Variants in WDR33 observed in about 807,000 individuals in gnomAD.
The protein encoded by WDR33 is pre-mRNA 3' end processing protein WDR33.
In WDR33, 47 loss-of-function variants were observed where a neutral mutation model predicts 164.9. That is an observed-to-expected ratio of 0.29 (90% CI 0.23 to 0.36). The LOEUF (loss-of-function observed/expected upper bound fraction) is 0.36. WDR33 is among the 10% of genes least tolerant of loss of function. The pLI, the probability that WDR33 is intolerant of heterozygous loss-of-function variation, is 1.00. For missense variants in WDR33, 1,137 were observed against 1,754.1 expected (o/e 0.65, Z 6.28); for synonymous variants, 505 against 589.0 (o/e 0.86, Z 2.06).
intron 1 of WDR33, among the ~76,000 whole-genome samples, chr2:127,772,662 CTTA>C (rs1688047720): frequency 6.6e-6 from 1 of 151,986 alleles, no homozygotes; most frequent in East Asian, 1.9e-4. Context: ...ACCACAGAAA[CTTA>C]TTTCTCAGTA....
intron 1 of WDR33, among the ~76,000 whole-genome samples, chr2:127,802,076 G>T (rs1190546204): frequency 6.6e-6 from 1 of 151,750 alleles, no homozygotes; most frequent in Non-Finnish European, 1.5e-5. Context: ...AGCTACTCAG[G>T]AGGCTGAGGC....
chr2:127,732,994 A>G (rs1686748066), intron 7 of WDR33, among the ~76,000 whole-genome samples: 1 of 152,214 alleles, frequency 6.6e-6, no homozygotes, highest in African/African-American at 2.4e-5. Flanking sequence ...GAAAATTCCA[A>G]GAATGTAGTG....
intron 7 of WDR33, among the ~76,000 whole-genome samples, chr2:127,727,919 C>T (rs1686609722): frequency 6.6e-6 from 1 of 152,152 alleles, no homozygotes; most frequent in South Asian, 2.1e-4. Context: ...GGTAGAGGCA[C>T]CGACAGTGAT....
At chr2:127,796,353 C>A (rs1689041239) in intron 1 of WDR33, among the ~76,000 whole-genome samples, 1 of 151,984 alleles carries the variant, frequency 6.6e-6, no homozygotes, top group Admixed American at 6.6e-5. Context: ...GGATTACGGG[C>A]ATAAACCACC....
At chr2:127,807,670 A>C (rs1050722010) in intron 1 of WDR33, among the ~76,000 whole-genome samples, 1 of 152,264 alleles carries the variant, frequency 6.6e-6, no homozygotes, top group Admixed American at 6.5e-5. Flanking sequence ...CAATCTAGGC[A>C]AAGAGTTAAT....
chr2:127,729,578 C>T (rs1686653302), intron 7 of WDR33, among the ~76,000 whole-genome samples: 3 of 152,094 alleles, frequency 2.0e-5, no homozygotes, highest in African/African-American at 7.2e-5. Flanking sequence ...TGCAACCAAC[C>T]TCCGCCTCCC....
chr2:127,772,564 G>A (rs531150255), intron 1 of WDR33, among the ~76,000 whole-genome samples: 1 of 151,970 alleles, frequency 6.6e-6, no homozygotes, highest in South Asian at 2.1e-4. Flanking sequence ...AATTTCCCAG[G>A]ACTAGTGTAG....
At position 127,722,026 on chromosome 2, in the gene WDR33, A is replaced by G; in HGVS notation, c.1519-38T>C. The G allele has an allele frequency of 6.3e-7, 1 of 1,597,372 alleles. No individual in the cohort carries two copies. The highest frequency in any genetic ancestry group is 2.2e-5 in the East Asian group (1 of 44,742). ...GAGAATATTAAAATGTACGCTAAGT[A>G]TGAAAATTACAATGATAGAATGAGA... On this transcript the variant is annotated intron_variant, in intron 14 of 21. Coordinates refer to ENST00000322313, the MANE Select transcript of WDR33 (RefSeq NM_018383.5). This position sits in a 1 kb window ranked among gnomAD's most constrained non-coding sequence, Gnocchi z 5.1.
chr2:127,724,965 G>A lies in WDR33; in HGVS notation c.1007C>T (p.Ala336Val). The A allele has an allele frequency of 1.9e-6, 3 of 1,614,182 alleles. No individual in the cohort carries two copies. Among genetic ancestry groups the A allele is most frequent in the Non-Finnish European group, 2.5e-6 (3 of 1,180,034 alleles). The change falls in exon 10 of 22, where the codon GCT becomes GTT. Residue 336 changes from alanine to valine, a missense_variant and splice_region_variant. This residue lies in a region of WDR33 where 83 missense variants were observed against 189.2 expected (regional missense o/e 0.44). Transcript: ENST00000322313. The surrounding 1 kb of genome is among the most constrained non-coding windows in gnomAD (Gnocchi z 4.8). ...VFRGHKKEAT[A>V]VAWHPVHEGL... is the part of the protein sequence containing the mutation. ...TTCATGAACAGGATGCCAGGCCACAGCTGCAGAACAAAAACATGGGAAAAG... is the reference window on the plus strand; with the variant it reads ...TTCATGAACAGGATGCCAGGCCACAACTGCAGAACAAAAACATGGGAAAAG...
intron 1 of WDR33, among the ~76,000 whole-genome samples, chr2:127,779,821 C>G (rs1457254533): frequency 6.6e-6 from 1 of 152,208 alleles, no homozygotes; most frequent in African/African-American, 2.4e-5. Flanking sequence ...ACAATTCCTA[C>G]CATGTCAGCC....
chr2:127,726,038 G>A lies in WDR33; in HGVS notation c.851+613C>T, dbSNP rs865795628. On this transcript the variant is annotated intron_variant, in intron 8 of 21. Transcript: ENST00000322313. This position sits in a 1 kb window ranked among gnomAD's most constrained non-coding sequence, Gnocchi z 4.8. Reference sequence around the variant, plus strand: ...GGCATTCCAGGTTGGCATGGTCATTGGGGTTGTACAACAAAGCAGCCTTGC... The same window carrying A: ...GGCATTCCAGGTTGGCATGGTCATTAGGGTTGTACAACAAAGCAGCCTTGC... Among the ~76,000 whole-genome samples the A allele has an allele frequency of 6.6e-6, 1 of 152,106 alleles. No individual in the cohort carries two copies. The highest frequency in any genetic ancestry group is 1.5e-5 in the Non-Finnish European group (1 of 68,034).
intron 7 of WDR33, among the ~76,000 whole-genome samples, chr2:127,745,559 C>T (rs1558934177): frequency 6.6e-6 from 1 of 152,176 alleles, no homozygotes; most frequent in South Asian, 2.1e-4. Flanking sequence ...TAAATGAGGA[C>T]TTGTGAAGCA....
chr2:127,807,431 G>A, intron 1 of WDR33, among the ~76,000 whole-genome samples: 1 of 152,156 alleles, frequency 6.6e-6, no homozygotes, highest in East Asian at 1.9e-4. Flanking sequence ...ACAACAAACT[G>A]CCTAAAGCAC....
intron 1 of WDR33, among the ~76,000 whole-genome samples, chr2:127,780,856 T>C (rs1411437146): frequency 6.6e-6 from 1 of 152,116 alleles, no homozygotes; most frequent in Non-Finnish European, 1.5e-5. Context: ...AATTTATTAA[T>C]AGCTTTTTAT....
chr2:127,762,913 G>C, intron 7 of WDR33, 149 bp downstream of exon 7: 60 of 1,435,636 alleles, frequency 4.2e-5, no homozygotes, highest in Non-Finnish European at 5.5e-5. Flanking sequence ...GTCAGAGAAA[G>C]TGCTGGGTTT....
At position 127,792,991 on chromosome 2, in the gene WDR33, G is replaced by GA. The variant is rs538275296; in HGVS notation, c.-24+18020dup. Reference sequence around the variant, plus strand: ...AAACATTACCACAGATTGCCTCTGGGAAAAAAAATTAGATGAGTTAGCATA... The same window carrying GA: ...AAACATTACCACAGATTGCCTCTGGGAAAAAAAAATTAGATGAGTTAGCATA... On this transcript the variant is annotated intron_variant, in intron 1 of 21. Transcript: ENST00000322313. Among the ~76,000 whole-genome samples, 555 of 151,984 alleles carry GA rather than the reference G, an allele frequency of 3.7e-3. 5 individuals carry two copies. Among genetic ancestry groups the GA allele is most frequent in the African/African-American group, 0.012 (512 of 41,512 alleles).
At chr2:127,791,172 C>G (rs901723460) in intron 1 of WDR33, among the ~76,000 whole-genome samples, 21 of 119,176 alleles carry the variant, frequency 1.8e-4, no homozygotes, top group East Asian at 6.2e-4. Context: ...CCACCCCCCC[C>G]CCCAGCAACT....
Position 127,709,702 on chromosome 2 carries a change from T to C in WDR33, c.3463A>G (p.Thr1155Ala), listed in dbSNP as rs1686106759. ...GRDLRGRGRG[T>A]PRGGRKGLLP... ...TTAGTAACTCGCTCACCTCGTGGGGTACCCCGACCTCGACCTCTGAGATCT... is the reference window on the plus strand; with the variant it reads ...TTAGTAACTCGCTCACCTCGTGGGGCACCCCGACCTCGACCTCTGAGATCT... Residue 1155 changes from threonine (T) to alanine (A), a missense_variant, in exon 19 of 22, where the codon ACC (threonine) becomes GCC (alanine). Physicochemically the swap from Thr to Ala is moderately conservative, Grantham distance 58. This residue lies in a region of WDR33 where 867 missense variants were observed against 1,073.0 expected (regional missense o/e 0.81). Coordinates refer to ENST00000322313, the MANE Select transcript of WDR33 (RefSeq NM_018383.5). The surrounding 1 kb of genome is among the most constrained non-coding windows in gnomAD (Gnocchi z 5.0). 6.2e-7 allele frequency: 1 copy of C among 1,614,072 alleles called. No homozygotes were observed. The highest frequency in any genetic ancestry group is 8.5e-7 in the Non-Finnish European group (1 of 1,180,046).
intron 1 of WDR33, among the ~76,000 whole-genome samples, chr2:127,773,436 G>A (rs897761267): frequency 3.9e-5 from 6 of 152,074 alleles, no homozygotes; most frequent in African/African-American, 1.4e-4. Flanking sequence ...GAGGAGGGGT[G>A]GAGGGAAAAG....
Sources: gnomAD v4.1 joint callset for allele counts (sites outside exome capture counted in the v4.1 genomes callset) on GRCh38, gnomAD v4.1.1 for gene constraint, gnomAD v4.1.1 regional missense constraint, Gnocchi (gnomAD v3.1) non-coding constraint, MANE v1.5 for transcripts, NCBI Gene and HGNC (gene_info 2026-07-23, HGNC 2026-07-21) for gene names.